The following ASH1L variants were observed in gnomAD, a reference collection of about 807,000 sequenced individuals.
ASH1L encodes the protein ASH1 like histone lysine methyltransferase, also known as histone-lysine N-methyltransferase ASH1L.
ASH1L carries 23 observed loss-of-function variants against 269.0 expected under a neutral mutation model. The ratio of observed to expected loss-of-function variants is 0.09; its 90% CI spans 0.06 to 0.12. The LOEUF (loss-of-function observed/expected upper bound fraction) is 0.12, where lower values mean the gene tolerates loss of function less well. ASH1L is among the 10% of genes least tolerant of loss of function. The probability of loss-of-function intolerance (pLI) is 1.00; values close to 1 mark genes in which losing one functional copy is unlikely to be tolerated. For synonymous variants in ASH1L, 1,187 were observed against 1,253.5 expected (o/e 0.95, Z 1.12); for missense variants, 2,912 against 3,567.8 (o/e 0.82, Z 4.68).
At chr1:155,445,405 G>A (rs1029241174) in intron 4 of ASH1L, among the ~76,000 whole-genome samples, 2 of 151,940 alleles carry the variant, frequency 1.3e-5, no homozygotes, top group Admixed American at 6.6e-5. Context: ...GGCTGGTCTC[G>A]AACTCCTGAC....
chr1:155,474,861 C>A (rs1352385008), intron 3 of ASH1L, among the ~76,000 whole-genome samples: 1 of 152,198 alleles, frequency 6.6e-6, no homozygotes. Flanking sequence ...ACTGCAATTG[C>A]CTATTAACCA....
chr1:155,346,672 T>C (rs1254191843), intron 20 of ASH1L, among the ~76,000 whole-genome samples: 1 of 152,222 alleles, frequency 6.6e-6, no homozygotes, highest in Non-Finnish European at 1.5e-5. Flanking sequence ...AGTATACCGA[T>C]TGACTCATAA....
At chr1:155,446,392 G>A (rs1342364471) in intron 4 of ASH1L, among the ~76,000 whole-genome samples, 2 of 149,220 alleles carry the variant, frequency 1.3e-5, no homozygotes, top group African/African-American at 2.5e-5. Context: ...TCCACCTCCC[G>A]GGTTCAAGCA....
chr1:155,343,770 C>G lies in ASH1L; in HGVS notation c.7982-28G>C. The G allele has an allele frequency of 6.2e-7, 1 of 1,608,896 alleles. No homozygotes were observed. Among genetic ancestry groups the G allele is most frequent in the South Asian group, 1.1e-5 (1 of 90,290 alleles). ...AGGAAGACCCAGAACACAGAAGAAA[C>G]ATAAAACAATTCTTGTATGAATTCT... On this transcript the variant is annotated intron_variant, in intron 22 of 27. Coordinates refer to ENST00000392403, the MANE Select transcript of ASH1L (RefSeq NM_018489.3). The surrounding 1 kb of genome is among the most constrained non-coding windows in gnomAD (Gnocchi z 6.1).
chr1:155,490,197 C>T (rs1397749394), intron 2 of ASH1L, among the ~76,000 whole-genome samples: 2 of 151,842 alleles, frequency 1.3e-5, no homozygotes, highest in Non-Finnish European at 2.9e-5. Context: ...ATCTCCTGAC[C>T]TTGTGATCTG....
At chr1:155,557,353 C>T (rs1671669101) in intron 1 of ASH1L, among the ~76,000 whole-genome samples, 1 of 152,078 alleles carries the variant, frequency 6.6e-6, no homozygotes, top group East Asian at 1.9e-4. Flanking sequence ...AGCTCCACCT[C>T]CCAGGTTCAC....
chr1:155,351,097 T>G (rs1177979179), intron 17 of ASH1L, among the ~76,000 whole-genome samples: 1 of 149,556 alleles, frequency 6.7e-6, no homozygotes, highest in Non-Finnish European at 1.5e-5. Context: ...CACACAAAAT[T>G]AGCTGGCCGT....
intron 5 of ASH1L, among the ~76,000 whole-genome samples, chr1:155,424,048 A>C: frequency 6.6e-6 from 1 of 152,094 alleles, no homozygotes; most frequent in Non-Finnish European, 1.5e-5. Context: ...ATGGTGGGCA[A>C]CCACAGCTGC....
At chr1:155,527,842 A>G (rs530955639) in intron 1 of ASH1L, among the ~76,000 whole-genome samples, 1 of 152,114 alleles carries the variant, frequency 6.6e-6, no homozygotes, top group Non-Finnish European at 1.5e-5. Context: ...CACCGTGCCC[A>G]GCTCTGGGAC....
At chr1:155,443,789 C>T (rs1662781675) in intron 4 of ASH1L, among the ~76,000 whole-genome samples, 1 of 152,146 alleles carries the variant, frequency 6.6e-6, no homozygotes, top group Non-Finnish European at 1.5e-5. Context: ...TTACTATTCA[C>T]ATATTTCTTT....
At chr1:155,443,119 CATT>C (rs1662733814) in intron 4 of ASH1L, among the ~76,000 whole-genome samples, 1 of 152,180 alleles carries the variant, frequency 6.6e-6, no homozygotes, top group African/African-American at 2.4e-5. Context: ...GGACATAATT[CATT>C]AACACGTAGT....
intron 3 of ASH1L, among the ~76,000 whole-genome samples, chr1:155,473,704 T>C (rs1665298072): frequency 6.6e-6 from 1 of 152,134 alleles, no homozygotes; most frequent in Non-Finnish European, 1.5e-5. Context: ...GGCTCCTATG[T>C]TGCCCAGGCT....
At position 155,337,634 on chromosome 1, in the gene ASH1L, TG is replaced by T; in HGVS notation, c.*25del. 4 of 1,596,648 alleles carry T rather than the reference TG, an allele frequency of 2.5e-6. No homozygotes were observed. The East Asian group carries it at 8.9e-5, about 36-fold the overall frequency. On this transcript the variant is annotated 3_prime_UTR_variant, in exon 28 of 28. Transcript: ENST00000392403. ...CTGATTAGCTCCACTGGATCCCAGA[TG>T]CTTGAGGTTCTCATTCTTTGAGGGT...
chr1:155,558,469 C>T (rs1671746555), intron 1 of ASH1L, among the ~76,000 whole-genome samples: 1 of 151,376 alleles, frequency 6.6e-6, no homozygotes, highest in African/African-American at 2.4e-5. Flanking sequence ...GAAACTCTCT[C>T]TCAAAAAAAA....
Position 155,347,101 on chromosome 1 carries a change from G to A in ASH1L, c.7803+555C>T, listed in dbSNP as rs1245939240. ...GTGAGAAGTGTACAGTGGAAAGTGG[G>A]CAGAAAGAAGGAAAGAGCCAGGCGT... On this transcript the variant is annotated intron_variant, in intron 20 of 27. Coordinates refer to ENST00000392403, the MANE Select transcript of ASH1L (RefSeq NM_018489.3). Among the ~76,000 whole-genome samples the A allele has an allele frequency of 2.0e-5, 3 of 152,204 alleles. 1 individual carries two copies. In the South Asian group the frequency reaches 6.2e-4, roughly 32 times the overall value.
chr1:155,381,812 T>C (rs1379471946), intron 7 of ASH1L, among the ~76,000 whole-genome samples: 1 of 150,216 alleles, frequency 6.7e-6, no homozygotes, highest in Non-Finnish European at 1.5e-5. Context: ...GAGGCAGAGG[T>C]AGAGGTGGAG....
intron 7 of ASH1L, among the ~76,000 whole-genome samples, chr1:155,391,086 C>T (rs1406970901): frequency 6.6e-6 from 1 of 152,102 alleles, no homozygotes; most frequent in Admixed American, 6.6e-5. Context: ...GCTGGGAATA[C>T]AAGTGCATGC....
intron 12 of ASH1L, 84 bp downstream of exon 12, chr1:155,370,420 A>G (rs1233842805): frequency 6.4e-7 from 1 of 1,559,938 alleles, no homozygotes; most frequent in East Asian, 2.2e-5. Context: ...GTGTAAGCTG[A>G]CTGACACTGG....
chr1:155,338,070 T>A lies in ASH1L; in HGVS notation c.8803+19A>T, dbSNP rs773264587. 1 of 1,609,194 alleles carries A rather than the reference T, an allele frequency of 6.2e-7. No homozygotes were observed. The highest frequency in any genetic ancestry group is 2.2e-5 in the East Asian group (1 of 44,822). On this transcript the variant is annotated intron_variant, in intron 27 of 27. Coordinates refer to ENST00000392403, the MANE Select transcript of ASH1L (RefSeq NM_018489.3). ...TCGCATTTATCTTAAACCCTAGATA[T>A]GAACCTGATTCTTCTTACCATTTTT...
Sources: gnomAD v4.1 joint callset for allele counts (sites outside exome capture counted in the v4.1 genomes callset) on GRCh38, gnomAD v4.1.1 for gene constraint, Gnocchi (gnomAD v3.1) non-coding constraint, MANE v1.5 for transcripts, NCBI Gene and HGNC (gene_info 2026-07-23, HGNC 2026-07-21) for gene names.